SEMA6D: variants seen among roughly 807,000 people sequenced by gnomAD.
The protein encoded by SEMA6D is semaphorin 6D, also known as semaphorin-6D.
In SEMA6D, 35 loss-of-function variants were observed where a neutral mutation model predicts 106.6. The ratio of observed to expected loss-of-function variants is 0.33; its 90% CI spans 0.25 to 0.44. The LOEUF (loss-of-function observed/expected upper bound fraction) is 0.44. SEMA6D is among the 20% of genes least tolerant of loss of function. SEMA6D has a pLI of 1.00. For missense variants in SEMA6D, 1,185 were observed against 1,345.9 expected (o/e 0.88, Z 1.87); for synonymous variants, 499 against 487.7 (o/e 1.02, Z -0.31).
At chr15:47,689,457 A>G (rs1179902550) in intron 4 of SEMA6D, among the ~76,000 whole-genome samples, 1 of 152,254 alleles carries the variant, frequency 6.6e-6, no homozygotes, top group African/African-American at 2.4e-5. Flanking sequence ...TGCTTAGCCA[A>G]TTGGCTATAT....
chr15:47,388,980 T>C (rs1172140366), intron 1 of SEMA6D, among the ~76,000 whole-genome samples: 1 of 152,058 alleles, frequency 6.6e-6, no homozygotes, highest in Non-Finnish European at 1.5e-5. Flanking sequence ...ATCTGCCATT[T>C]CAGTAAGCAT....
chr15:47,756,164 G>A (rs1288444014), intron 1 of SEMA6D, among the ~76,000 whole-genome samples: 2 of 152,160 alleles, frequency 1.3e-5, no homozygotes. Flanking sequence ...ACTTCATGTA[G>A]GAATGTTCTT....
chr15:47,252,998 A>G (rs141872655), intron 1 of SEMA6D, among the ~76,000 whole-genome samples: 11 of 152,174 alleles, frequency 7.2e-5, no homozygotes, highest in Non-Finnish European at 1.3e-4. Context: ...GGCTGTATTA[A>G]TCTACATTCC....
chr15:47,711,939 T>G (rs985197588), intron 4 of SEMA6D, among the ~76,000 whole-genome samples: 2 of 152,144 alleles, frequency 1.3e-5, no homozygotes, highest in African/African-American at 4.8e-5. Context: ...AATCAATGCT[T>G]AAGATTTGGG....
At chr15:47,622,178 T>C (rs1261643582) in intron 4 of SEMA6D, among the ~76,000 whole-genome samples, 1 of 138,760 alleles carries the variant, frequency 7.2e-6, no homozygotes, top group African/African-American at 2.7e-5. Flanking sequence ...TTTGAATCTA[T>C]GCATATGCAG....
chr15:47,603,352 G>A (rs886881700), intron 4 of SEMA6D: 4 of 152,108 alleles, frequency 2.6e-5, no homozygotes, highest in African/African-American at 9.7e-5. Flanking sequence ...ACTCATGGAT[G>A]CCTCTTCTCT....
intron 1 of SEMA6D, among the ~76,000 whole-genome samples, chr15:47,381,355 T>C (rs1258854988): frequency 6.6e-6 from 1 of 152,206 alleles, no homozygotes; most frequent in Non-Finnish European, 1.5e-5. Flanking sequence ...GAACAAGAGC[T>C]CATCACAGAT....
chr15:47,554,893 G>C (rs886501080), intron 3 of SEMA6D, among the ~76,000 whole-genome samples: 1 of 152,128 alleles, frequency 6.6e-6, no homozygotes, highest in African/African-American at 2.4e-5. Context: ...ATGCTCAGCA[G>C]GGCTCAATCC....
chr15:47,446,897 A>T (rs192064087), intron 2 of SEMA6D, among the ~76,000 whole-genome samples: 2 of 152,136 alleles, frequency 1.3e-5, no homozygotes, highest in Admixed American at 1.3e-4. Flanking sequence ...AGCAGGTCCA[A>T]TGCATTATAA....
At chr15:47,245,078 C>T (rs1281134875) in intron 1 of SEMA6D, among the ~76,000 whole-genome samples, 1 of 151,604 alleles carries the variant, frequency 6.6e-6, no homozygotes, top group Non-Finnish European at 1.5e-5. Flanking sequence ...ATACTTACCA[C>T]ATTTTCTTTA....
intron 4 of SEMA6D, among the ~76,000 whole-genome samples, chr15:47,699,557 AAACATAAGCTACCAGC>A (rs2145888679): frequency 6.6e-6 from 1 of 152,342 alleles, no homozygotes; most frequent in South Asian, 2.1e-4. Flanking sequence ...CAAATACTGA[AAACATAAGCTACCAGC>A]AACAGACAGA....
intron 4 of SEMA6D, among the ~76,000 whole-genome samples, chr15:47,645,997 C>T (rs1423450376): frequency 6.6e-6 from 1 of 152,190 alleles, no homozygotes; most frequent in African/African-American, 2.4e-5. Context: ...CTTCTGCATG[C>T]TCAGCTATCC....
chr15:47,648,593 G>A (rs1184006641), intron 4 of SEMA6D, among the ~76,000 whole-genome samples: 3 of 152,150 alleles, frequency 2.0e-5, no homozygotes, highest in African/African-American at 7.2e-5. Flanking sequence ...TATGATCGTA[G>A]GAGGTGCTCC....
chr15:47,252,585 C>G (rs1209475362), intron 1 of SEMA6D, among the ~76,000 whole-genome samples: 1 of 152,178 alleles, frequency 6.6e-6, no homozygotes, highest in Non-Finnish European at 1.5e-5. Context: ...AACCACCACT[C>G]TACTCTGTAG....
intron 4 of SEMA6D, among the ~76,000 whole-genome samples, chr15:47,616,065 T>C (rs1323597526): frequency 1.3e-5 from 2 of 152,360 alleles, no homozygotes; most frequent in South Asian, 4.1e-4. Flanking sequence ...CCTTTGTGCA[T>C]ATTCAAGTAT....
chr15:47,378,130 A>C (rs1008512407), intron 1 of SEMA6D, among the ~76,000 whole-genome samples: 2 of 152,196 alleles, frequency 1.3e-5, no homozygotes, highest in Non-Finnish European at 2.9e-5. Flanking sequence ...GTGGCTTCCA[A>C]AAGAAGTGTG....
intron 1 of SEMA6D, among the ~76,000 whole-genome samples, chr15:47,410,405 G>A (rs1407889321): frequency 6.6e-6 from 1 of 152,202 alleles, no homozygotes; most frequent in Non-Finnish European, 1.5e-5. Context: ...CTCCAAATAA[G>A]TGTTACTCAC....
chr15:47,741,662 C>G (rs2080824286), intron 1 of SEMA6D, among the ~76,000 whole-genome samples: 1 of 151,926 alleles, frequency 6.6e-6, no homozygotes, highest in African/African-American at 2.4e-5. Flanking sequence ...TGCAGTGAGC[C>G]GAGATCGTGC....
intron 3 of SEMA6D, among the ~76,000 whole-genome samples, chr15:47,550,018 A>G (rs2045635199): frequency 6.6e-6 from 1 of 152,206 alleles, no homozygotes; most frequent in South Asian, 2.1e-4. Context: ...TTAAAGAGAG[A>G]GTAGAAAGGT....
Sources: allele counts gnomAD v4.1 joint callset (sites outside exome capture counted in the v4.1 genomes callset), GRCh38; gene constraint gnomAD v4.1.1; transcripts MANE v1.5; gene names NCBI Gene and HGNC (gene_info 2026-07-23, HGNC 2026-07-21).